The following MYT1L variants were observed in gnomAD, a reference collection of about 807,000 sequenced individuals.
The protein encoded by MYT1L is myelin transcription factor 1-like protein.
A neutral mutation model predicts 126.7 loss-of-function variants in MYT1L; 12 were observed. That is an observed-to-expected ratio of 0.09 (90% CI 0.06 to 0.15). The LOEUF is 0.15. Among genes scored for constraint, MYT1L ranks in the 10% least tolerant of loss-of-function variants. The probability of loss-of-function intolerance (pLI) is 1.00; values close to 1 mark genes in which losing one functional copy is unlikely to be tolerated. For missense variants in MYT1L, 979 were observed against 1,585.2 expected (o/e 0.62, Z 6.49); for synonymous variants, 541 against 604.2 (o/e 0.90, Z 1.53).
chr2:1,965,737 G>A (rs947914510), intron 8 of MYT1L, among the ~76,000 whole-genome samples: 1 of 152,228 alleles, frequency 6.6e-6, no homozygotes, highest in Non-Finnish European at 1.5e-5. Flanking sequence ...CCTCACGAAT[G>A]CATGTGGGCA....
At chr2:1,952,912 C>T (rs1482190155) in intron 8 of MYT1L, among the ~76,000 whole-genome samples, 1 of 102,226 alleles carries the variant, frequency 9.8e-6, no homozygotes, top group Non-Finnish European at 1.9e-5. Context: ...CCCTTCCTCT[C>T]CCTTCCTTCC....
At chr2:1,928,757 G>C (rs2054554092) in intron 9 of MYT1L, among the ~76,000 whole-genome samples, 1 of 152,108 alleles carries the variant, frequency 6.6e-6, no homozygotes. Flanking sequence ...TGCTGGAACT[G>C]CCAGCTTAGT....
At chr2:2,078,362 T>C (rs932137178) in intron 3 of MYT1L, among the ~76,000 whole-genome samples, 1 of 152,116 alleles carries the variant, frequency 6.6e-6, no homozygotes, top group African/African-American at 2.4e-5. Context: ...AAATAGAAAT[T>C]GATTAAACAT....
intron 3 of MYT1L, among the ~76,000 whole-genome samples, chr2:2,096,375 A>G (rs1575133826): frequency 6.6e-6 from 1 of 152,228 alleles, no homozygotes; most frequent in Non-Finnish European, 1.5e-5. Context: ...CAGAGGCAGC[A>G]GTCTGGCCTT....
intron 2 of MYT1L, among the ~76,000 whole-genome samples, chr2:2,262,939 G>GACATATATATATATATATAT (rs1466512652): frequency 1.3e-4 from 7 of 51,990 alleles, no homozygotes; most frequent in African/African-American, 6.0e-4. Context: ...TATAACCTGT[G>GACATATATATATATATATAT]ATATATATAT....
chr2:2,230,546 G>A (rs888881719), intron 2 of MYT1L, among the ~76,000 whole-genome samples: 6 of 152,194 alleles, frequency 3.9e-5, no homozygotes, highest in African/African-American at 1.4e-4. Context: ...CCAACTCCCT[G>A]AGCTCTGCCA....
chr2:2,116,047 C>T (rs370223114), intron 3 of MYT1L, among the ~76,000 whole-genome samples: 93 of 150,674 alleles, frequency 6.2e-4, no homozygotes, highest in African/African-American at 2.2e-3. Flanking sequence ...GTCCAGTCGA[C>T]GAAAACAGGA....
intron 21 of MYT1L, chr2:1,816,953 G>A (rs1038345649): frequency 6.6e-6 from 1 of 152,234 alleles, no homozygotes; most frequent in African/African-American, 2.4e-5. Flanking sequence ...CCCTGCAGAC[G>A]CCGTGCTCCA....
intron 3 of MYT1L, among the ~76,000 whole-genome samples, chr2:2,146,535 A>T (rs1243610811): frequency 6.6e-6 from 1 of 152,206 alleles, no homozygotes; most frequent in Non-Finnish European, 1.5e-5. Flanking sequence ...CCACCCCTGG[A>T]GACAGATACG....
intron 21 of MYT1L, chr2:1,810,217 C>G (rs923233201): frequency 6.6e-6 from 1 of 151,640 alleles, no homozygotes; most frequent in African/African-American, 2.4e-5. Flanking sequence ...GCCTCTGCCT[C>G]CTGGGTTCCA....
chr2:2,288,908 T>C (rs1290185741), intron 1 of MYT1L, among the ~76,000 whole-genome samples: 3 of 152,250 alleles, frequency 2.0e-5, no homozygotes, highest in African/African-American at 7.2e-5. Context: ...AATCGATAGC[T>C]TCTTAACTCA....
rs1194342015 is a variant in MYT1L, at chr2:2,236,800, TTCTTCTTCTTCTTC to T, written c.-421+47590_-421+47603del. Among the ~76,000 whole-genome samples, 32 of 20,464 alleles carry T rather than the reference TTCTTCTTCTTCTTC, an allele frequency of 1.6e-3. 1 individual carries two copies. Among genetic ancestry groups the T allele is most frequent in the African/African-American group, 6.0e-3 (13 of 2,160 alleles). The allele number at this position is 20,464 out of a possible 152,430, so 13.4% of individuals were successfully genotyped here. A position where few individuals can be genotyped will look rare whatever the true frequency, so the allele number is the denominator to read the frequency against. ...CTTCTTCTTCTTCTTCTTCTTCTTCTTCTTCTTCTTCTTCTTTTTTTTTTTTTTTTTTGATGGAG... is the reference window on the plus strand; with the variant it reads ...CTTCTTCTTCTTCTTCTTCTTCTTCTTTTTTTTTTTTTTTTTTTGATGGAG... On this transcript the variant is annotated intron_variant, in intron 2 of 24. Coordinates refer to ENST00000647738, the MANE Select transcript of MYT1L (RefSeq NM_001303052.2).
chr2:1,899,890 C>A (rs1474697308), intron 14 of MYT1L, among the ~76,000 whole-genome samples: 1 of 152,182 alleles, frequency 6.6e-6, no homozygotes, highest in Non-Finnish European at 1.5e-5. Context: ...AGATGGACAG[C>A]AAGCACTGGT....
chr2:2,322,634 G>A (rs1018953412), intron 1 of MYT1L, among the ~76,000 whole-genome samples: 3 of 151,892 alleles, frequency 2.0e-5, no homozygotes, highest in African/African-American at 7.3e-5. Context: ...ACCTTTGAAG[G>A]CAGCCAGGCA....
intron 2 of MYT1L, among the ~76,000 whole-genome samples, chr2:2,203,453 T>C (rs1040387102): frequency 6.6e-6 from 1 of 150,804 alleles, no homozygotes; most frequent in Non-Finnish European, 1.5e-5. Context: ...TCACAAGCAT[T>C]CCTCTACATC....
intron 1 of MYT1L, among the ~76,000 whole-genome samples, chr2:2,292,049 G>A (rs62118682): frequency 0.02 from 3,015 of 152,334 alleles, 49 homozygotes; most frequent in Non-Finnish European, 0.03. Flanking sequence ...CTCTGGGCCT[G>A]GGCCTCAGCT....
chr2:2,033,036 T>G (rs1264322039), intron 4 of MYT1L, among the ~76,000 whole-genome samples: 14 of 118,044 alleles, frequency 1.2e-4, no homozygotes, highest in East Asian at 1.1e-3. Flanking sequence ...GAGCAGATTC[T>G]AGAAGGAGGG....
chr2:2,088,907 C>G (rs2076624834), intron 3 of MYT1L, among the ~76,000 whole-genome samples: 1 of 152,142 alleles, frequency 6.6e-6, no homozygotes, highest in African/African-American at 2.4e-5. Flanking sequence ...CAAATACAGA[C>G]TGAATCCTAC....
chr2:2,132,416 A>C (rs969375918), intron 3 of MYT1L, among the ~76,000 whole-genome samples: 2 of 152,250 alleles, frequency 1.3e-5, no homozygotes, highest in African/African-American at 4.8e-5. Context: ...GAATGAGTTC[A>C]TGTCCTTTGC....
Sources: gnomAD v4.1 joint callset for allele counts (sites outside exome capture counted in the v4.1 genomes callset) on GRCh38, gnomAD v4.1.1 for gene constraint, MANE v1.5 for transcripts, NCBI Gene and HGNC (gene_info 2026-07-23, HGNC 2026-07-21) for gene names.